The following IMMP2L variants were observed in gnomAD, a reference collection of about 807,000 sequenced individuals.
IMMP2L encodes inner mitochondrial membrane peptidase subunit 2.
A neutral mutation model predicts 19.3 loss-of-function variants in IMMP2L; 18 were observed. That is an observed-to-expected ratio of 0.93 (90% confidence interval 0.64 to 1.38). The LOEUF (loss-of-function observed/expected upper bound fraction) is 1.38. Ranked by LOEUF, IMMP2L falls within the 40% of genes most tolerant of loss-of-function variation. IMMP2L has a pLI of 0.00. For synonymous variants in IMMP2L, 76 were observed against 73.0 expected (o/e 1.04, Z -0.21); for missense variants, 233 against 218.2 (o/e 1.07, Z -0.43).
intron 5 of IMMP2L, among the ~76,000 whole-genome samples, chr7:110,723,562 T>TTAGCAATTGTAGTAGTTC (rs1184715193): frequency 2.6e-5 from 4 of 152,128 alleles, no homozygotes; most frequent in Non-Finnish European, 5.9e-5. Context: ...TCTTCACTGA[T>TTAGCAATTGTAGTAGTTC]TAGCAATTGT....
At chr7:111,344,841 G>A (rs1162994588) in intron 3 of IMMP2L, among the ~76,000 whole-genome samples, 1 of 152,108 alleles carries the variant, frequency 6.6e-6, no homozygotes, top group Admixed American at 6.6e-5. Flanking sequence ...AGGAAAAGAA[G>A]ATAAAACACT....
chr7:111,516,118 T>C (rs75609917), intron 2 of IMMP2L, among the ~76,000 whole-genome samples: 3,044 of 152,238 alleles, frequency 0.02, 105 homozygotes, highest in African/African-American at 0.069. Context: ...ATGTAAAATT[T>C]AGAACTTGAG....
intron 5 of IMMP2L, among the ~76,000 whole-genome samples, chr7:110,827,695 C>T (rs1223786683): frequency 1.3e-5 from 2 of 152,152 alleles, no homozygotes; most frequent in African/African-American, 2.4e-5. Flanking sequence ...AACAAAAGCA[C>T]ATTTTAATTG....
At chr7:111,174,282 C>T (rs1806788911) in intron 3 of IMMP2L, among the ~76,000 whole-genome samples, 2 of 151,528 alleles carry the variant, frequency 1.3e-5, no homozygotes, top group Admixed American at 1.3e-4. Flanking sequence ...ATGAGACAGG[C>T]AAGGCAGGTA....
At chr7:111,014,515 C>G (rs902125554) in intron 3 of IMMP2L, among the ~76,000 whole-genome samples, 1 of 152,082 alleles carries the variant, frequency 6.6e-6, no homozygotes, top group South Asian at 2.1e-4. Flanking sequence ...ATTTAAAAGG[C>G]TTTTGGAATG....
intron 5 of IMMP2L, among the ~76,000 whole-genome samples, chr7:110,675,519 T>A (rs2130384332): frequency 6.6e-6 from 1 of 152,272 alleles, no homozygotes; most frequent in Admixed American, 6.5e-5. Context: ...TATTTCTAAG[T>A]CTCCGTAATG....
At chr7:110,957,762 T>A (rs1818505870) in intron 4 of IMMP2L, among the ~76,000 whole-genome samples, 1 of 152,112 alleles carries the variant, frequency 6.6e-6, no homozygotes, top group South Asian at 2.1e-4. Flanking sequence ...TATGACTCTT[T>A]CCCTGTCTTC....
chr7:111,061,532 C>T (rs1402223675), intron 3 of IMMP2L, among the ~76,000 whole-genome samples: 1 of 151,924 alleles, frequency 6.6e-6, no homozygotes, highest in East Asian at 1.9e-4. Flanking sequence ...ATACTCAATT[C>T]CTCTCTCTCC....
intron 3 of IMMP2L, among the ~76,000 whole-genome samples, chr7:111,139,130 T>A (rs991605645): frequency 6.6e-6 from 1 of 152,082 alleles, no homozygotes; most frequent in African/African-American, 2.4e-5. Context: ...AAAAAAGGAA[T>A]AAGCCTGGAT....
At chr7:111,271,368 G>A (rs1818454651) in intron 3 of IMMP2L, among the ~76,000 whole-genome samples, 1 of 152,074 alleles carries the variant, frequency 6.6e-6, no homozygotes, top group Admixed American at 6.6e-5. Flanking sequence ...TGGAAGAATG[G>A]ACAAAAGCTG....
At chr7:111,236,585 T>C (rs1279976366) in intron 3 of IMMP2L, among the ~76,000 whole-genome samples, 1 of 152,144 alleles carries the variant, frequency 6.6e-6, no homozygotes, top group Admixed American at 6.6e-5. Context: ...GTTCCCCACA[T>C]ACTGATGGGT....
chr7:111,404,001 C>T (rs1244218029), intron 3 of IMMP2L, among the ~76,000 whole-genome samples: 2 of 152,114 alleles, frequency 1.3e-5, no homozygotes, highest in African/African-American at 4.8e-5. Flanking sequence ...TACTAATTAA[C>T]TAATCCAGCA....
At chr7:110,997,671 T>A (rs1334065359) in intron 3 of IMMP2L, among the ~76,000 whole-genome samples, 1 of 152,306 alleles carries the variant, frequency 6.6e-6, no homozygotes, top group Non-Finnish European at 1.5e-5. Flanking sequence ...TTCAGTGATT[T>A]TTTTTCTGTT....
chr7:111,189,077 G>A (rs909105179), intron 3 of IMMP2L, among the ~76,000 whole-genome samples: 2 of 152,090 alleles, frequency 1.3e-5, no homozygotes, highest in African/African-American at 4.8e-5. Context: ...GGAGTAAGTG[G>A]TAGAGAATGG....
intron 3 of IMMP2L, among the ~76,000 whole-genome samples, chr7:111,303,761 A>G (rs1478837704): frequency 1.3e-5 from 2 of 152,064 alleles, no homozygotes; most frequent in South Asian, 4.1e-4. Flanking sequence ...AAACACAAAA[A>G]TCAATCTCAC....
At chr7:111,214,511 T>G (rs1233122925) in intron 3 of IMMP2L, among the ~76,000 whole-genome samples, 20 of 142,914 alleles carry the variant, frequency 1.4e-4, no homozygotes, top group East Asian at 8.1e-4. Flanking sequence ...TCTGTTTTTT[T>G]TTTTTTTTTT....
intron 4 of IMMP2L, chr7:110,963,091 C>T (rs1457510829): frequency 6.6e-7 from 1 of 1,526,574 alleles, no homozygotes; most frequent in Middle Eastern, 1.7e-4. Flanking sequence ...TCTCCCATCT[C>T]TATGAGTACA....
At chr7:110,853,988 A>G (rs1282491890) in intron 5 of IMMP2L, among the ~76,000 whole-genome samples, 1 of 151,990 alleles carries the variant, frequency 6.6e-6, no homozygotes, top group Non-Finnish European at 1.5e-5. Flanking sequence ...ATTTAGACAG[A>G]ATCATTTTTC....
At chr7:110,917,284 T>G (rs1230237747) in intron 4 of IMMP2L, among the ~76,000 whole-genome samples, 1 of 152,150 alleles carries the variant, frequency 6.6e-6, no homozygotes, top group African/African-American at 2.4e-5. Context: ...TGTGAGAGAA[T>G]AAATAACTGG....
Sources: gnomAD v4.1 joint callset for allele counts (sites outside exome capture counted in the v4.1 genomes callset) on GRCh38, gnomAD v4.1.1 for gene constraint, MANE v1.5 for transcripts, NCBI Gene and HGNC (gene_info 2026-07-23, HGNC 2026-07-21) for gene names.